LSP1: variants seen among roughly 807,000 people sequenced by gnomAD.
LSP1 encodes lymphocyte-specific protein 1.
A neutral mutation model predicts 49.3 loss-of-function variants in LSP1; 32 were observed. The observed-to-expected ratio is 0.65, with a 90% CI of 0.49 to 0.87. The LOEUF (loss-of-function observed/expected upper bound fraction) is 0.87, where lower values mean the gene tolerates loss of function less well. LSP1 is among the 40% of genes least tolerant of loss of function. The pLI is 0.00. For synonymous variants in LSP1, 179 were observed against 178.8 expected, an observed-to-expected ratio of 1.00 and a Z score of -0.01; for missense variants, 428 against 442.6, an observed-to-expected ratio of 0.97 and a Z score of 0.30.
intron 1 of LSP1, among the ~76,000 whole-genome samples, chr11:1,879,162 T>A (rs907151321): frequency 1.3e-5 from 2 of 152,076 alleles, no homozygotes; most frequent in Non-Finnish European, 2.9e-5. Flanking sequence ...CTGACCAACA[T>A]GGAGAAACCC....
intron 1 of LSP1, among the ~76,000 whole-genome samples, chr11:1,875,692 T>C (rs888165700): frequency 1.3e-5 from 2 of 152,284 alleles, no homozygotes; most frequent in Middle Eastern, 3.4e-3. Context: ...CCCAGCAGGG[T>C]GCAGCCACAA....
At chr11:1,876,938 G>A (rs1848334718) in intron 1 of LSP1, among the ~76,000 whole-genome samples, 3 of 152,300 alleles carry the variant, frequency 2.0e-5, no homozygotes, top group African/African-American at 7.2e-5. Context: ...TGGGGTGGGA[G>A]GTGGATGGAG....
intron 2 of LSP1, chr11:1,880,548 A>G (rs1283847586): frequency 3.7e-6 from 1 of 269,176 alleles, no homozygotes; most frequent in Non-Finnish European, 7.0e-6. Flanking sequence ...CCCGCCAGTG[A>G]CTCACAGAGC....
intron 1 of LSP1, among the ~76,000 whole-genome samples, chr11:1,853,629 C>T (rs1231934212): frequency 6.6e-6 from 1 of 152,190 alleles, no homozygotes; most frequent in Non-Finnish European, 1.5e-5. Context: ...CACCTGCCCA[C>T]AGGACTATCT....
At chr11:1,871,248 G>GC in intron 1 of LSP1, 1 of 986,790 alleles carries the variant, frequency 1.0e-6, no homozygotes. Context: ...CAGAGCCGCA[G>GC]CCACGCCGCC....
intron 1 of LSP1, chr11:1,863,405 TGGTGGCCCAGGACTAATTG>T (rs1324829927): frequency 6.6e-6 from 1 of 152,280 alleles, no homozygotes; most frequent in Non-Finnish European, 1.5e-5. Flanking sequence ...CGTGCACAGA[TGGTGGCCCAGGACTAATTG>T]GGTGGCCAGC....
intron 3 of LSP1, among the ~76,000 whole-genome samples, chr11:1,883,064 C>T (rs996040942): frequency 1.1e-4 from 16 of 152,324 alleles, no homozygotes; most frequent in Middle Eastern, 3.4e-3. Flanking sequence ...CGCGGGGACC[C>T]CGTCAGACCA....
At position 1,884,544 on chromosome 11, in the gene LSP1, T is replaced by C. The variant is rs746869893; in HGVS notation, c.680T>C (p.Ile227Thr). The C allele has an allele frequency of 1.1e-5, 17 of 1,613,780 alleles. No homozygotes were observed. The highest frequency in any genetic ancestry group is 1.2e-5 in the Non-Finnish European group (14 of 1,179,950). Reference protein sequence around the residue: ...KSQPDLPISKIDQWLEQYTQA... With the variant: ...KSQPDLPISKTDQWLEQYTQA... ...CAGCCAGACTTGCCCATCTCCAAGATTGATCAGTGGCTGGAACAATACACC... is the reference window on the plus strand; with the variant it reads ...CAGCCAGACTTGCCCATCTCCAAGACTGATCAGTGGCTGGAACAATACACC... The change falls in exon 7 of 11, where the codon ATT becomes ACT. Residue 227 changes from isoleucine (I) to threonine (T), a missense_variant. Physicochemically the swap from Ile to Thr is moderately conservative, Grantham distance 89. Transcript: ENST00000311604. The surrounding 1 kb of genome is among the most constrained non-coding windows in gnomAD (Gnocchi z 4.1).
intron 1 of LSP1, chr11:1,876,785 G>A (rs1848328696): frequency 3.1e-6 from 1 of 325,648 alleles, no homozygotes; most frequent in African/African-American, 2.2e-5. Context: ...CTTGGCAGTG[G>A]ATGAGGCCGG....
intron 7 of LSP1, among the ~76,000 whole-genome samples, chr11:1,886,378 G>C (rs1429774945): frequency 1.3e-5 from 2 of 151,668 alleles, no homozygotes; most frequent in East Asian, 1.9e-4. Flanking sequence ...TCTAATCAAT[G>C]CTCCTCCATC....
intron 1 of LSP1, among the ~76,000 whole-genome samples, chr11:1,854,948 G>C (rs1372894383): frequency 6.6e-6 from 1 of 152,146 alleles, no homozygotes; most frequent in East Asian, 1.9e-4. Flanking sequence ...GGGGAGGGGG[G>C]GTTGGAGCGG....
chr11:1,890,320 G>GGTGCGGGCCCTCAGCAGC (rs1565091855), intron 10 of LSP1: 1 of 712,018 alleles, frequency 1.4e-6, no homozygotes, highest in Non-Finnish European at 2.6e-6. Context: ...GCTTCGGCGG[G>GGTGCGGGCCCTCAGCAGC]GTGCGGGCCC....
intron 1 of LSP1, among the ~76,000 whole-genome samples, chr11:1,879,636 C>T (rs561219210): frequency 2.0e-5 from 3 of 152,330 alleles, no homozygotes; most frequent in Admixed American, 2.0e-4. Flanking sequence ...GGTGGAGGTG[C>T]CGCCTGGCGG....
chr11:1,868,240 C>T (rs1448980152), intron 1 of LSP1, among the ~76,000 whole-genome samples: 1 of 152,220 alleles, frequency 6.6e-6, no homozygotes, highest in Non-Finnish European at 1.5e-5. Flanking sequence ...GCTGAGAGTG[C>T]CTTGTAGCCT....
chr11:1,889,041 C>G, intron 10 of LSP1: 1 of 577,814 alleles, frequency 1.7e-6, no homozygotes, highest in Non-Finnish European at 3.1e-6. Context: ...GCCCCTTGGG[C>G]CCTGGTGCAT....
chr11:1,887,376 C>A (rs761195424), intron 9 of LSP1, 62 bp downstream of exon 9: 19 of 1,567,858 alleles, frequency 1.2e-5, no homozygotes, highest in Non-Finnish European at 1.7e-5. Flanking sequence ...CAAAGAGGGA[C>A]TGTCCTCTGT....
At position 1,874,070 on chromosome 11, in the gene LSP1, C is replaced by T. The variant is rs543778233; in HGVS notation, c.54-6017C>T. Among the ~76,000 whole-genome samples the T allele has an allele frequency of 2.2e-4, 25 of 111,740 alleles. 1 individual carries two copies. The highest frequency in any genetic ancestry group is 8.6e-4 in the African/African-American group (24 of 27,864). 73.3% of individuals were successfully genotyped at this position (111,740 alleles called of 152,430 possible). A position where few individuals can be genotyped will look rare whatever the true frequency, so the allele number is the denominator to read the frequency against. The stretch of plus-strand genomic sequence containing the variant: ...GAGGCTGGCAGAGCAGGGAGGCCGG[C>T]AGAGGAGGGAGGCCGGCAGAGCAGG... On this transcript the variant is annotated intron_variant, in intron 1 of 10. Coordinates refer to ENST00000311604, the MANE Select transcript of LSP1 (RefSeq NM_002339.3).
intron 3 of LSP1, among the ~76,000 whole-genome samples, chr11:1,882,561 T>C (rs527542572): frequency 1.1e-4 from 16 of 152,126 alleles, no homozygotes; most frequent in Admixed American, 2.0e-4. Flanking sequence ...TTTTCTGAGA[T>C]GGGGCAGCTC....
intron 1 of LSP1, chr11:1,865,330 C>T: frequency 1.3e-6 from 1 of 754,212 alleles, no homozygotes; most frequent in South Asian, 5.9e-5. Flanking sequence ...CTGCCACATG[C>T]ACCGGGCCAC....
Sources: gnomAD v4.1 joint callset for allele counts (sites outside exome capture counted in the v4.1 genomes callset) on GRCh38, gnomAD v4.1.1 for gene constraint, Gnocchi (gnomAD v3.1) non-coding constraint, MANE v1.5 for transcripts, NCBI Gene and HGNC (gene_info 2026-07-23, HGNC 2026-07-21) for gene names.